Variants in TNRC6C observed in about 807,000 individuals in gnomAD.
TNRC6C encodes the protein trinucleotide repeat-containing gene 6C protein.
Under a neutral mutation model 153.7 loss-of-function variants are expected in TNRC6C, and 20 were observed. The ratio of observed to expected loss-of-function variants is 0.13; its 90% CI spans 0.09 to 0.19. The LOEUF (loss-of-function observed/expected upper bound fraction) is 0.19. TNRC6C is among the 10% of genes least tolerant of loss of function. The pLI is 1.00. For synonymous variants in TNRC6C, 811 were observed against 841.4 expected, an observed-to-expected ratio of 0.96 and a Z score of 0.63; for missense variants, 1,987 against 2,172.0, an observed-to-expected ratio of 0.91 and a Z score of 1.69.
Position 78,049,266 on chromosome 17 carries a change from T to C in TNRC6C, c.204T>C (p.Ser68=), listed in dbSNP as rs376341075. Residue 68 remains serine, a synonymous_variant, in exon 3 of 20, where the codon AGT becomes AGC. Transcript: ENST00000301624. This position sits in a 1 kb window ranked among gnomAD's most constrained non-coding sequence, Gnocchi z 4.1. The stretch of plus-strand genomic sequence containing the variant: ...CTGGCCTGGCTCACTGCTCTGTCAG[T>C]GGTGGGGATGGAAAAATGGACACTA... 6 of 1,611,824 alleles carry C rather than the reference T, an allele frequency of 3.7e-6. No individual in the cohort carries two copies. The African/African-American group carries it at 6.7e-5, about 18-fold the overall frequency.
intron 1 of TNRC6C, among the ~76,000 whole-genome samples, chr17:77,972,048 CAAAA>C (rs993341715): frequency 6.7e-6 from 1 of 148,860 alleles, no homozygotes; most frequent in South Asian, 2.1e-4. Flanking sequence ...GGCAAACAAA[CAAAA>C]AAAAAGTAGA....
chr17:78,082,262 G>A (rs2073195119), intron 10 of TNRC6C, among the ~76,000 whole-genome samples: 1 of 151,424 alleles, frequency 6.6e-6, no homozygotes, highest in African/African-American at 2.4e-5. Flanking sequence ...TAAGTTTAGT[G>A]AGGGCAGGGG....
At chr17:78,050,280 C>T (rs1247323739) in exon 3 of TNRC6C, 4 of 1,549,810 alleles carry the variant, frequency 2.6e-6, no homozygotes, top group Admixed American at 4.0e-5. Context: ...CTGGCAACCA[C>T]AATGAAGGAA....
chr17:77,980,697 T>G (rs2071063279), intron 1 of TNRC6C, among the ~76,000 whole-genome samples: 1 of 152,206 alleles, frequency 6.6e-6, no homozygotes, highest in Non-Finnish European at 1.5e-5. Flanking sequence ...CTCCAGAACT[T>G]CTGACCCACT....
intron 2 of TNRC6C, 60 bp downstream of exon 4, chr17:78,031,902 TG>T: frequency 8.2e-7 from 1 of 1,224,594 alleles, no homozygotes; most frequent in Non-Finnish European, 1.0e-6. Context: ...TTTTCAACTT[TG>T]CTGCTGAGCA....
upstream of TNRC6C, among the ~76,000 whole-genome samples, chr17:78,003,193 T>C (rs889426671): frequency 5.3e-5 from 8 of 152,024 alleles, no homozygotes; most frequent in African/African-American, 1.9e-4. Flanking sequence ...CTACCTAATA[T>C]CCCTAAAGCA....
At position 78,090,045 on chromosome 17, in the gene TNRC6C, G is replaced by A. The variant is rs1009693965; in HGVS notation, c.3803-1395G>A. 1.6e-4 allele frequency among the ~76,000 whole-genome samples: 24 copies of A among 152,160 alleles called. 2 individuals are homozygous for A. Among genetic ancestry groups the A allele is most frequent in the Admixed American group, 9.2e-4 (14 of 15,260 alleles). The stretch of plus-strand genomic sequence containing the variant: ...TGGCTAGATCTGTACAAGCTGAAAC[G>A]AAAAGAACCCACACAGCAGAGATTG... On this transcript the variant is annotated intron_variant, in intron 13 of 19. Transcript: ENST00000301624.
intron 1 of TNRC6C, among the ~76,000 whole-genome samples, chr17:77,997,331 G>T (rs1213053963): frequency 2.0e-5 from 3 of 152,034 alleles, no homozygotes. Context: ...CCTCTCTTAC[G>T]ATCTCCGTGA....
At chr17:78,052,413 G>C (rs532787071) in intron 3 of TNRC6C, among the ~76,000 whole-genome samples, 1 of 152,160 alleles carries the variant, frequency 6.6e-6, no homozygotes, top group East Asian at 1.9e-4. Flanking sequence ...TAGTAGCTGG[G>C]GAAACTGCAG....
At chr17:78,007,379 T>A (rs1357988106) in intron 1 of TNRC6C, among the ~76,000 whole-genome samples, 1 of 152,256 alleles carries the variant, frequency 6.6e-6, no homozygotes. Context: ...CATCAAGGTT[T>A]ACGTTTTTCT....
chr17:77,999,139 G>C (rs1441197758), intron 1 of TNRC6C, among the ~76,000 whole-genome samples: 1 of 152,210 alleles, frequency 6.6e-6, no homozygotes, highest in African/African-American at 2.4e-5. Context: ...AGCCCAAAAT[G>C]GTGAAGGTTT....
exon 9 of TNRC6C, chr17:78,077,196 C>G (rs367775044): frequency 6.2e-7 from 1 of 1,601,332 alleles, no homozygotes; most frequent in Non-Finnish European, 8.5e-7. Flanking sequence ...ATGGCGGCCT[C>G]GTGGAAGAGC....
rs1208716676 is a variant in TNRC6C, at chr17:78,099,488, GAA to G, written c.4501+952_4501+953del. On this transcript the variant is annotated intron_variant, in intron 17 of 19. Transcript: ENST00000301624. ...GCATGTCTCACATGGCAGCAGACAAGAAGAGAGAGAGAGCTTGTGCAGGGAAA... is the reference window on the plus strand; with the variant it reads ...GCATGTCTCACATGGCAGCAGACAAGGAGAGAGAGAGCTTGTGCAGGGAAA... Among the ~76,000 whole-genome samples, 8 of 152,308 alleles carry G rather than the reference GAA, an allele frequency of 5.3e-5. No homozygotes were observed. In the South Asian group the frequency reaches 1.4e-3, roughly 28 times the overall value.
intron 1 of TNRC6C, 62 bp downstream of exon 3, chr17:78,005,141 A>T: frequency 8.8e-7 from 1 of 1,135,644 alleles, no homozygotes; most frequent in Non-Finnish European, 1.1e-6. Flanking sequence ...TATGACCAGG[A>T]TGACTTTTTT....
intron 7 of TNRC6C, among the ~76,000 whole-genome samples, chr17:78,073,646 G>A (rs556864919): frequency 1.3e-5 from 2 of 152,132 alleles, no homozygotes; most frequent in Non-Finnish European, 2.9e-5. Context: ...CTGAATTAAC[G>A]AATACCGAAC....
chr17:78,050,234 C>T (rs1429133433), exon 3 of TNRC6C: 16 of 1,539,114 alleles, frequency 1.0e-5, no homozygotes, highest in African/African-American at 2.8e-5. Flanking sequence ...GCGGCATCTT[C>T]TGGAACTACA....
chr17:78,002,309 G>A (rs1173794067), upstream of TNRC6C, among the ~76,000 whole-genome samples: 1 of 152,068 alleles, frequency 6.6e-6, no homozygotes, highest in East Asian at 1.9e-4. Context: ...TCTTCTCAGG[G>A]CCGCAGAGAA....
intron 1 of TNRC6C, among the ~76,000 whole-genome samples, chr17:77,987,923 G>T (rs1039266380): frequency 1.3e-5 from 2 of 152,018 alleles, no homozygotes; most frequent in African/African-American, 4.8e-5. Flanking sequence ...CAAGTTATCC[G>T]CCCGCCTTGG....
chr17:78,060,835 C>A lies in TNRC6C; in HGVS notation c.2396-3887C>A, dbSNP rs552461731. On this transcript the variant is annotated intron_variant, in intron 3 of 19. Coordinates refer to ENST00000301624, the Ensembl canonical transcript of TNRC6C. ...CTGTGGAACAAGCTATAATTAATTT[C>A]TTATTTCATAGAGGAAAGAATTTCA... Among the ~76,000 whole-genome samples, 3 of 152,306 alleles carry A rather than the reference C, an allele frequency of 2.0e-5. No homozygotes were observed. In the East Asian group the frequency reaches 5.8e-4, roughly 29 times the overall value.
Sources: allele counts gnomAD v4.1 joint callset (sites outside exome capture counted in the v4.1 genomes callset), GRCh38; gene constraint gnomAD v4.1.1; non-coding constraint Gnocchi (gnomAD v3.1); transcripts MANE v1.5; gene names NCBI Gene and HGNC (gene_info 2026-07-23, HGNC 2026-07-21).